Variants in GABRB3 observed in about 807,000 individuals in gnomAD.
GABRB3 encodes gamma-aminobutyric acid receptor subunit beta-3.
Under a neutral mutation model 52.1 loss-of-function variants are expected in GABRB3, and 14 were observed. That is an observed-to-expected ratio of 0.27 (90% CI 0.18 to 0.42). The LOEUF (loss-of-function observed/expected upper bound fraction) is 0.42. Ranked by LOEUF, GABRB3 falls within the 10% of genes least tolerant of loss-of-function variation. GABRB3 has a pLI of 1.00. For synonymous variants in GABRB3, 260 were observed against 232.3 expected (o/e 1.12, Z -1.08); for missense variants, 307 against 609.1 (o/e 0.50, Z 5.22).
At chr15:26,649,422 C>T (rs1188234215) in intron 3 of GABRB3, among the ~76,000 whole-genome samples, 2 of 152,178 alleles carry the variant, frequency 1.3e-5, no homozygotes, top group Admixed American at 1.3e-4. Context: ...CCTACTGCCA[C>T]CTTGCCCTTG....
intron 4 of GABRB3, among the ~76,000 whole-genome samples, chr15:26,594,596 AG>A (rs1470735664): frequency 6.6e-6 from 1 of 152,178 alleles, no homozygotes; most frequent in Non-Finnish European, 1.5e-5. Flanking sequence ...CCTGGGCTCA[AG>A]TGACCTTCCT....
At chr15:26,665,907 T>C (rs537598972) in intron 3 of GABRB3, among the ~76,000 whole-genome samples, 1 of 152,362 alleles carries the variant, frequency 6.6e-6, no homozygotes, top group African/African-American at 2.4e-5. Context: ...CAATAAAAAG[T>C]GTGCATTTGT....
chr15:26,698,548 G>T (rs1310774896), intron 3 of GABRB3, among the ~76,000 whole-genome samples: 1 of 151,734 alleles, frequency 6.6e-6, no homozygotes, highest in Admixed American at 6.6e-5. Context: ...ATGTTCAAAA[G>T]GATAAAAATA....
intron 4 of GABRB3, among the ~76,000 whole-genome samples, chr15:26,605,258 A>G (rs1020203788): frequency 1.3e-5 from 2 of 152,196 alleles, no homozygotes; most frequent in Non-Finnish European, 2.9e-5. Flanking sequence ...AAAGTCATTC[A>G]ATAACAACTG....
chr15:26,625,822 C>A (rs985442378), intron 3 of GABRB3, among the ~76,000 whole-genome samples: 1 of 152,084 alleles, frequency 6.6e-6, no homozygotes, highest in African/African-American at 2.4e-5. Context: ...CAGTAGACAC[C>A]AAATGAGACA....
chr15:26,633,089 T>C (rs1474924787), intron 3 of GABRB3, among the ~76,000 whole-genome samples: 1 of 152,124 alleles, frequency 6.6e-6, no homozygotes, highest in Admixed American at 6.5e-5. Context: ...TGGTGTAGAA[T>C]TCCCAAAATT....
At chr15:26,586,704 A>AAG (rs1555368942) in intron 4 of GABRB3, among the ~76,000 whole-genome samples, 2,535 of 102,162 alleles carry the variant, frequency 0.025, 724 homozygotes, top group Middle Eastern at 0.092. Context: ...AAAAAAAAAA[A>AAG]AGAGAGAGAG....
intron 3 of GABRB3, among the ~76,000 whole-genome samples, chr15:26,644,842 C>T (rs546614209): frequency 5.6e-4 from 85 of 152,136 alleles, no homozygotes; most frequent in Non-Finnish European, 4.9e-4. Context: ...GAGAACAGTT[C>T]CACTCAGGGA....
At chr15:26,677,154 T>C (rs1888094756) in intron 3 of GABRB3, among the ~76,000 whole-genome samples, 1 of 152,190 alleles carries the variant, frequency 6.6e-6, no homozygotes, top group African/African-American at 2.4e-5. Flanking sequence ...GAAATTTAAG[T>C]CCTTTAGATC....
intron 8 of GABRB3, among the ~76,000 whole-genome samples, chr15:26,554,460 G>GA (rs1889678888): frequency 6.6e-6 from 1 of 151,840 alleles, no homozygotes; most frequent in African/African-American, 2.4e-5. Flanking sequence ...TTTTCTTAAA[G>GA]GAAGAAAGGG....
chr15:26,560,744 ACTGGTTTGAGCAACCC>A (rs1028236572), intron 8 of GABRB3, among the ~76,000 whole-genome samples, 172 bp downstream of exon 8: 6 of 152,160 alleles, frequency 3.9e-5, no homozygotes, highest in African/African-American at 1.4e-4. Flanking sequence ...ACTCCACTGG[ACTGGTTTGAGCAACCC>A]CTGAATAAAA....
At chr15:26,704,649 C>A (rs1359257665) in intron 3 of GABRB3, among the ~76,000 whole-genome samples, 3 of 152,208 alleles carry the variant, frequency 2.0e-5, no homozygotes, top group African/African-American at 7.2e-5. Flanking sequence ...ATCCTGAACA[C>A]CTTGCTGCTT....
At chr15:26,684,206 C>T (rs541517285) in intron 3 of GABRB3, among the ~76,000 whole-genome samples, 4 of 152,154 alleles carry the variant, frequency 2.6e-5, no homozygotes, top group Non-Finnish European at 5.9e-5. Context: ...TTCTTTAGTC[C>T]GAAACTTACA....
intron 4 of GABRB3, among the ~76,000 whole-genome samples, chr15:26,602,569 G>A (rs941848349): frequency 1.3e-5 from 2 of 151,962 alleles, no homozygotes; most frequent in Admixed American, 1.3e-4. Context: ...CATCTTCTGT[G>A]ACCACAACAG....
intron 3 of GABRB3, among the ~76,000 whole-genome samples, chr15:26,701,046 C>T (rs902097040): frequency 4.4e-5 from 6 of 135,706 alleles, no homozygotes; most frequent in Admixed American, 2.3e-4. Context: ...CAGAGCGAGA[C>T]TCGTCTCAAA....
rs1889245060 is a variant in GABRB3 at position 26,546,463 on chromosome 15, G to A, written c.*1330C>T. On this transcript the variant is annotated 3_prime_UTR_variant, in exon 9 of 9. Transcript: ENST00000311550. ...CAACAGTGACTGTGTTTGCTGTCAG[G>A]TTGCCCTCCTTTGCCTCAGAGAACG... 6.6e-6 allele frequency: 1 copy of A among 152,548 alleles called. No homozygotes were observed. Among genetic ancestry groups the A allele is most frequent in the Non-Finnish European group, 1.5e-5 (1 of 68,050 alleles). The allele number at this position is 152,548 out of a possible 1,614,324, so 9.4% of individuals were successfully genotyped here. A position where few individuals can be genotyped will look rare whatever the true frequency, so the allele number is the denominator to read the frequency against.
At chr15:26,583,512 T>A in intron 4 of GABRB3, 98 bp from the exon 5 acceptor site, 1 of 913,338 alleles carries the variant, frequency 1.1e-6, no homozygotes, top group Non-Finnish European at 1.8e-6. Flanking sequence ...GTGGGAACCC[T>A]GCCCAAAGTA....
At position 26,656,529 on chromosome 15, in the gene GABRB3, G is replaced by A. The variant is rs535109333; in HGVS notation, c.241-34995C>T. The stretch of plus-strand genomic sequence containing the variant: ...CTGGGCTGTGGTCTGGGACCAGTCC[G>A]TGGCCTGTTAGGAACTGGGCCACAC... On this transcript the variant is annotated intron_variant, in intron 3 of 8. Coordinates refer to ENST00000311550, the MANE Select transcript of GABRB3 (RefSeq NM_000814.6). Among the ~76,000 whole-genome samples, 11 of 152,298 alleles carry A rather than the reference G, an allele frequency of 7.2e-5. No individual in the cohort carries two copies. The East Asian group carries it at 1.4e-3, about 19-fold the overall frequency.
intron 4 of GABRB3, among the ~76,000 whole-genome samples, chr15:26,601,124 T>C (rs1299042113): frequency 6.6e-6 from 1 of 151,884 alleles, no homozygotes; most frequent in African/African-American, 2.4e-5. Context: ...AAGCTCAAAA[T>C]AAAAATAGAA....
Sources: gnomAD v4.1 joint callset for allele counts (sites outside exome capture counted in the v4.1 genomes callset) on GRCh38, gnomAD v4.1.1 for gene constraint, MANE v1.5 for transcripts, NCBI Gene and HGNC (gene_info 2026-07-23, HGNC 2026-07-21) for gene names.